Variants in RCOR1 observed in about 807,000 individuals in gnomAD.
The protein encoded by RCOR1 is REST corepressor.
Under a neutral mutation model 64.0 loss-of-function variants are expected in RCOR1, and 12 were observed. The observed-to-expected ratio is 0.19, with a 90% CI of 0.12 to 0.30. The LOEUF (loss-of-function observed/expected upper bound fraction) is 0.30. Ranked by LOEUF, RCOR1 falls within the 10% of genes least tolerant of loss-of-function variation. RCOR1 has a pLI of 1.00. For missense variants in RCOR1, 502 were observed against 621.2 expected (o/e 0.81, Z 2.04); for synonymous variants, 279 against 227.2 (o/e 1.23, Z -2.05).
intron 8 of RCOR1, among the ~76,000 whole-genome samples, chr14:102,717,355 C>T (rs763274569): frequency 1.3e-5 from 2 of 152,212 alleles, no homozygotes; most frequent in African/African-American, 4.8e-5. Flanking sequence ...AAGAGCAGGG[C>T]GTGCTGCTGT....
At chr14:102,693,594 GCCCTCTC>G (rs1435600252) in intron 3 of RCOR1, among the ~76,000 whole-genome samples, 55 of 151,422 alleles carry the variant, frequency 3.6e-4, no homozygotes, top group Admixed American at 3.5e-3. Flanking sequence ...AGGAGAGCCT[GCCCTCTC>G]ATACTCAGTC....
chr14:102,629,293 CCCTT>C (rs1894052924), intron 2 of RCOR1, among the ~76,000 whole-genome samples: 1 of 152,112 alleles, frequency 6.6e-6, no homozygotes, highest in Admixed American at 6.6e-5. Context: ...CTTCCTGTTC[CCCTT>C]CCTTGTTTTT....
intron 3 of RCOR1, among the ~76,000 whole-genome samples, chr14:102,685,108 C>T (rs1196892821): frequency 6.6e-6 from 1 of 151,554 alleles, no homozygotes; most frequent in African/African-American, 2.4e-5. Context: ...TTCAAAGTGG[C>T]TGTTCAGAGT....
At chr14:102,655,982 CACACACGT>C in intron 2 of RCOR1, 2 of 983,560 alleles carry the variant, frequency 2.0e-6, no homozygotes, top group Non-Finnish European at 2.4e-6. Context: ...CACACACACA[CACACACGT>C]GAAATAAACC....
chr14:102,671,609 G>T (rs1013736267), intron 2 of RCOR1, among the ~76,000 whole-genome samples: 1 of 152,096 alleles, frequency 6.6e-6, no homozygotes, highest in Non-Finnish European at 1.5e-5. Context: ...TGCCCAGGCT[G>T]GCCTTGAACT....
At chr14:102,646,772 A>T (rs973249327) in intron 2 of RCOR1, among the ~76,000 whole-genome samples, 1 of 152,246 alleles carries the variant, frequency 6.6e-6, no homozygotes, top group Non-Finnish European at 1.5e-5. Flanking sequence ...GGCTTAGAAG[A>T]TGCATACTAA....
At chr14:102,680,466 T>A (rs1285218059) in intron 2 of RCOR1, among the ~76,000 whole-genome samples, 1 of 152,176 alleles carries the variant, frequency 6.6e-6, no homozygotes, top group Non-Finnish European at 1.5e-5. Flanking sequence ...AGATTCTTTG[T>A]AGCGTTAGCA....
chr14:102,628,810 T>TC (rs1294226587), intron 2 of RCOR1, among the ~76,000 whole-genome samples: 1 of 151,720 alleles, frequency 6.6e-6, no homozygotes, highest in East Asian at 1.9e-4. Flanking sequence ...CACTTCGGCC[T>TC]CCCAAAGTGC....
At chr14:102,688,770 A>G (rs535450862) in intron 3 of RCOR1, among the ~76,000 whole-genome samples, 2 of 152,180 alleles carry the variant, frequency 1.3e-5, no homozygotes, top group South Asian at 2.1e-4. Flanking sequence ...TTGAACCCCT[A>G]TGAGGCACTC....
chr14:102,674,033 A>G (rs117933421), intron 2 of RCOR1, among the ~76,000 whole-genome samples: 4 of 152,350 alleles, frequency 2.6e-5, no homozygotes, highest in Non-Finnish European at 4.4e-5. Flanking sequence ...TAGAATATGT[A>G]TGGGTGTATC....
chr14:102,594,849 A>G (rs992254903), intron 2 of RCOR1, among the ~76,000 whole-genome samples: 3 of 152,200 alleles, frequency 2.0e-5, no homozygotes, highest in African/African-American at 7.2e-5. Flanking sequence ...GCTTTAAAAC[A>G]CAGAACATAA....
At chr14:102,719,093 A>G (rs1896124872) in intron 8 of RCOR1, among the ~76,000 whole-genome samples, 1 of 151,140 alleles carries the variant, frequency 6.6e-6, no homozygotes, top group African/African-American at 2.4e-5. Context: ...CACTAGCATA[A>G]TTTTTTTTTG....
At chr14:102,665,075 A>G (rs1353256691) in intron 2 of RCOR1, among the ~76,000 whole-genome samples, 2 of 151,994 alleles carry the variant, frequency 1.3e-5, no homozygotes, top group Non-Finnish European at 2.9e-5. Context: ...CAGTGGCGCA[A>G]TCTCACTGCA....
At chr14:102,723,375 C>T (rs879939784) in intron 11 of RCOR1, among the ~76,000 whole-genome samples, 4 of 152,278 alleles carry the variant, frequency 2.6e-5, no homozygotes, top group Admixed American at 6.5e-5. Flanking sequence ...CCCCTGGGAG[C>T]GTGGTGCCGC....
At chr14:102,708,186 C>T (rs1419795010) in intron 5 of RCOR1, among the ~76,000 whole-genome samples, 1 of 152,142 alleles carries the variant, frequency 6.6e-6, no homozygotes, top group Admixed American at 6.5e-5. Flanking sequence ...AGGATGGTCT[C>T]GATCTCTTGA....
chr14:102,613,471 C>T (rs1231026764), intron 2 of RCOR1, among the ~76,000 whole-genome samples: 3 of 143,638 alleles, frequency 2.1e-5, no homozygotes, highest in Admixed American at 1.4e-4. Flanking sequence ...CTCGTTCTGT[C>T]GCCCAGGCGG....
chr14:102,675,097 C>T (rs1398414286), intron 2 of RCOR1, among the ~76,000 whole-genome samples: 1 of 150,704 alleles, frequency 6.6e-6, no homozygotes, highest in Non-Finnish European at 1.5e-5. Flanking sequence ...AGAGACCTGC[C>T]TGTGTTGGCA....
intron 2 of RCOR1, among the ~76,000 whole-genome samples, chr14:102,677,294 A>G: frequency 1.4e-5 from 1 of 70,100 alleles, no homozygotes; most frequent in African/African-American, 7.5e-5. Flanking sequence ...CGGGCAAAGG[A>G]GCCCCTCACC....
chr14:102,679,982 T>C (rs942329191), intron 2 of RCOR1, among the ~76,000 whole-genome samples: 3 of 152,324 alleles, frequency 2.0e-5, no homozygotes, highest in African/African-American at 7.2e-5. Flanking sequence ...TGGAGTTGCA[T>C]TGAATCTTTA....
Sources: allele counts gnomAD v4.1 joint callset (sites outside exome capture counted in the v4.1 genomes callset), GRCh38; gene constraint gnomAD v4.1.1; transcripts MANE v1.5; gene names NCBI Gene and HGNC (gene_info 2026-07-23, HGNC 2026-07-21).